Variants in TTC7A observed in about 807,000 individuals in gnomAD.
The protein encoded by TTC7A is tetratricopeptide repeat domain 7A.
In TTC7A, 110 loss-of-function variants were observed where a neutral mutation model predicts 103.7. The observed-to-expected ratio is 1.06, with a 90% confidence interval of 0.91 to 1.24. TTC7A has a LOEUF of 1.24. TTC7A is among the 50% of genes most tolerant of loss of function. TTC7A has a pLI of 0.00. For synonymous variants in TTC7A, 521 were observed against 467.9 expected (o/e 1.11, Z -1.47); for missense variants, 1,340 against 1,116.3 (o/e 1.20, Z -2.86).
chr2:46,951,702 C>A (rs772841684), intron 2 of TTC7A: 2 of 454,766 alleles, frequency 4.4e-6, no homozygotes, highest in African/African-American at 2.0e-5. Flanking sequence ...TGAGGCACTG[C>A]GCCCAGCTGA....
chr2:47,056,092 C>T lies in TTC7A; in HGVS notation c.2152+4212C>T, dbSNP rs564781337. Among the ~76,000 whole-genome samples, 93 of 152,312 alleles carry T rather than the reference C, an allele frequency of 6.1e-4. 2 individuals are homozygous for T. In the South Asian group the frequency reaches 0.018, roughly 29 times the overall value. Reference sequence around the variant, plus strand: ...CTGACTGCCTTGTGCCCTCTAGGTCCCAGGGATGGAGGGTCTCAGACCAAC... The same window carrying T: ...CTGACTGCCTTGTGCCCTCTAGGTCTCAGGGATGGAGGGTCTCAGACCAAC... On this transcript the variant is annotated intron_variant, in intron 18 of 19. Transcript: ENST00000319190.
chr2:46,922,299 C>A (rs9973623), intron 2 of TTC7A, among the ~76,000 whole-genome samples: 1 of 152,008 alleles, frequency 6.6e-6, no homozygotes, highest in Admixed American at 6.6e-5. Flanking sequence ...TTTCCTTGAG[C>A]GTTTTTATAA....
chr2:46,920,613 G>T (rs919981054), intron 2 of TTC7A, among the ~76,000 whole-genome samples: 8 of 150,234 alleles, frequency 5.3e-5, no homozygotes, highest in Non-Finnish European at 1.2e-4. Flanking sequence ...TTATAGGCAT[G>T]AACCACCATG....
At chr2:47,060,200 C>T (rs1683648935) in intron 18 of TTC7A, among the ~76,000 whole-genome samples, 1 of 151,592 alleles carries the variant, frequency 6.6e-6, no homozygotes, top group Admixed American at 6.6e-5. Flanking sequence ...AGCCTGAGCC[C>T]CTCTACCAAA....
chr2:47,008,250 G>C (rs1176784169), intron 10 of TTC7A, among the ~76,000 whole-genome samples: 3 of 152,214 alleles, frequency 2.0e-5, no homozygotes, highest in South Asian at 4.1e-4. Flanking sequence ...CCTTCTGTGG[G>C]TCCTGGACTC....
intron 2 of TTC7A, among the ~76,000 whole-genome samples, chr2:46,927,294 A>G (rs1226166778): frequency 1.3e-5 from 2 of 152,154 alleles, no homozygotes; most frequent in East Asian, 1.9e-4. Context: ...AGCTAAGCAC[A>G]TTAAAATAAG....
chr2:46,970,429 C>T (rs919885315), intron 3 of TTC7A, among the ~76,000 whole-genome samples: 12 of 152,230 alleles, frequency 7.9e-5, no homozygotes, highest in African/African-American at 2.2e-4. Context: ...CACAGCTTTG[C>T]GGTGGCCAGC....
At chr2:47,055,815 G>A (rs1683266295) in intron 18 of TTC7A, among the ~76,000 whole-genome samples, 4 of 152,114 alleles carry the variant, frequency 2.6e-5, no homozygotes, top group Non-Finnish European at 4.4e-5. Context: ...GGCAGACTTG[G>A]GGGGCTGGGG....
intron 2 of TTC7A, among the ~76,000 whole-genome samples, chr2:46,956,327 G>A (rs575439148): frequency 9.9e-5 from 15 of 152,284 alleles, no homozygotes; most frequent in African/African-American, 3.6e-4. Context: ...GCCACTGTAG[G>A]GGGAGGCATA....
intron 15 of TTC7A, among the ~76,000 whole-genome samples, chr2:47,043,117 G>A (rs1681941860): frequency 6.6e-6 from 1 of 152,258 alleles, no homozygotes; most frequent in East Asian, 1.9e-4. Flanking sequence ...GGTGGGTGAG[G>A]AGAAGCAGCT....
chr2:47,038,511 T>C (rs1178416390), intron 15 of TTC7A, among the ~76,000 whole-genome samples: 1 of 152,208 alleles, frequency 6.6e-6, no homozygotes, highest in Admixed American at 6.5e-5. Context: ...ATGTGTTTTC[T>C]ATAAAAATAG....
At chr2:46,992,166 C>G (rs556451514) in intron 5 of TTC7A, among the ~76,000 whole-genome samples, 1 of 152,332 alleles carries the variant, frequency 6.6e-6, no homozygotes, top group Admixed American at 6.5e-5. Context: ...TCCGGGGAAC[C>G]CCCTGAGTGG....
intron 19 of TTC7A, 118 bp from the exon 20 acceptor site, chr2:47,073,584 G>A (rs543704362): frequency 3.8e-5 from 32 of 840,482 alleles, no homozygotes; most frequent in South Asian, 1.6e-4. Flanking sequence ...AGCCAGAGAC[G>A]CGGGAATCCT....
Position 46,941,834 on chromosome 2 carries a change from C to A in TTC7A, c.184+109C>A. ...CGGCCGACAGCGGGCGCCTGCCAGC[C>A]CACCGTGCTAGTCTTAAGAGCAGCC... On this transcript the variant is annotated intron_variant, in intron 1 of 19. Transcript: ENST00000319190. The surrounding 1 kb of genome is among the most constrained non-coding windows in gnomAD (Gnocchi z 4.2). 7.1e-7 allele frequency: 1 copy of A among 1,401,604 alleles called. No homozygotes were observed. Among genetic ancestry groups the A allele is most frequent in the Non-Finnish European group, 9.8e-7 (1 of 1,025,504 alleles). The allele number at this position is 1,401,604 out of a possible 1,614,324, so 86.8% of individuals were successfully genotyped here. A position where few individuals can be genotyped will look rare whatever the true frequency, so the allele number is the denominator to read the frequency against.
chr2:46,938,609 G>T (rs1421724899), upstream of TTC7A, among the ~76,000 whole-genome samples: 1 of 152,132 alleles, frequency 6.6e-6, no homozygotes, highest in Non-Finnish European at 1.5e-5. Flanking sequence ...AGCTAATTTG[G>T]ATATTGATTT....
chr2:46,975,000 C>G lies in TTC7A; in HGVS notation c.545C>G (p.Ser182Cys). ...KGLSLERLPN[S>C]IASRFRLTER... is the part of the protein sequence containing the mutation. ...CTCTCTCTGGAACGCCTACCCAACT[C>G]CATCGCCTCCCGCTTCCGCCTGACA... The change falls in exon 4 of 20, where the codon TCC (serine) becomes TGC (cysteine). Residue 182 changes from serine (S) to cysteine (C), a missense_variant. Transcript: ENST00000319190. 1 of 1,614,032 alleles carries G rather than the reference C, an allele frequency of 6.2e-7. No homozygotes were observed. The highest frequency in any genetic ancestry group is 8.5e-7 in the Non-Finnish European group (1 of 1,179,932).
chr2:46,969,189 G>T (rs993079935), intron 3 of TTC7A, among the ~76,000 whole-genome samples: 12 of 140,380 alleles, frequency 8.5e-5, no homozygotes, highest in Non-Finnish European at 9.3e-5. Flanking sequence ...TGTGTTATGT[G>T]TATATAAGAG....
chr2:47,051,636 C>G lies in TTC7A; in HGVS notation c.2018-110C>G, dbSNP rs1007745588. ...TGGCTGCCCAGCCGCACCACCCTAC[C>G]CTGATTCAGGGTGCCCTGTCTCCCC... is the stretch of plus-strand genomic sequence containing the variant. On this transcript the variant is annotated intron_variant, in intron 17 of 19. Transcript: ENST00000319190. 3.5e-6 allele frequency: 5 copies of G among 1,421,734 alleles called. No individual in the cohort carries two copies. In the Admixed American group the frequency reaches 6.3e-5, roughly 18 times the overall value. 88.1% of individuals were successfully genotyped at this position (1,421,734 alleles called of 1,614,324 possible). A position where few individuals can be genotyped will look rare whatever the true frequency, so the allele number is the denominator to read the frequency against.
At chr2:46,926,200 C>G (rs1234092815) in intron 2 of TTC7A, among the ~76,000 whole-genome samples, 1 of 152,182 alleles carries the variant, frequency 6.6e-6, no homozygotes, top group Non-Finnish European at 1.5e-5. Flanking sequence ...TTTACTGAAG[C>G]CTTACCATCT....
Sources: allele counts gnomAD v4.1 joint callset (sites outside exome capture counted in the v4.1 genomes callset), GRCh38; gene constraint gnomAD v4.1.1; non-coding constraint Gnocchi (gnomAD v3.1); transcripts MANE v1.5; gene names NCBI Gene and HGNC (gene_info 2026-07-23, HGNC 2026-07-21).